RNPC3: variants seen among roughly 807,000 people sequenced by gnomAD.
RNPC3 encodes the protein RNA-binding region-containing protein 3.
RNPC3 carries 48 observed loss-of-function variants against 67.5 expected under a neutral mutation model. That is an observed-to-expected ratio of 0.71 (90% CI 0.56 to 0.90). The LOEUF (loss-of-function observed/expected upper bound fraction) is 0.90, where lower values mean the gene tolerates loss of function less well. Among genes scored for constraint, RNPC3 ranks in the 40% least tolerant of loss-of-function variants. The probability of loss-of-function intolerance (pLI) is 0.00; values close to 1 mark genes in which losing one functional copy is unlikely to be tolerated. For synonymous variants in RNPC3, 239 were observed against 210.3 expected (o/e 1.14, Z -1.18); for missense variants, 637 against 626.1 (o/e 1.02, Z -0.19).
At chr1:103,529,119 A>T (rs977528734) in intron 2 of RNPC3, among the ~76,000 whole-genome samples, 6 of 152,198 alleles carry the variant, frequency 3.9e-5, no homozygotes, top group African/African-American at 1.4e-4. Context: ...TTTTGAAACT[A>T]ATAGTATACA....
At chr1:103,545,467 T>TA (rs991926206) in intron 10 of RNPC3, 20 of 155,760 alleles carry the variant, frequency 1.3e-4, no homozygotes, top group African/African-American at 1.9e-4. Context: ...CAAAGCGATT[T>TA]AAAAAAAAAT....
intron 7 of RNPC3, among the ~76,000 whole-genome samples, chr1:103,540,776 C>A (rs1367572551): frequency 6.6e-6 from 1 of 152,032 alleles, no homozygotes; most frequent in Admixed American, 6.6e-5. Context: ...ATTAAATATT[C>A]ATATTCTTAA....
intron 13 of RNPC3, 61 bp from the exon 14 acceptor site, chr1:103,551,660 G>T: frequency 9.0e-7 from 1 of 1,112,012 alleles, no homozygotes; most frequent in Non-Finnish European, 1.3e-6. Context: ...AAGTTTTTGA[G>T]AATTATTTAG....
chr1:103,538,345 G>C (rs1028324176), intron 7 of RNPC3, among the ~76,000 whole-genome samples: 1 of 151,788 alleles, frequency 6.6e-6, no homozygotes, highest in South Asian at 2.1e-4. Context: ...GAGTTTTTTT[G>C]TTGTGACTCT....
In RNPC3 at chr1:103,528,429, ATAAC is replaced by A. The variant is rs1650767185; in HGVS notation, c.240+690_240+693del. On this transcript the variant is annotated intron_variant, in intron 2 of 14. Coordinates refer to ENST00000423855, the MANE Select transcript of RNPC3 (RefSeq NM_017619.4). ...GGCTGTTATAATGGCCAAGGCAAGA[ATAAC>A]TATCTGAAGAAGACAGTAAGAAGAC... Among the ~76,000 whole-genome samples the A allele has an allele frequency of 2.0e-5, 3 of 152,212 alleles. 1 individual carries two copies. The South Asian group carries it at 6.2e-4, about 31-fold the overall frequency.
chr1:103,527,810 G>T (rs1650755524), intron 2 of RNPC3, 68 bp downstream of exon 2: 2 of 1,139,336 alleles, frequency 1.8e-6, no homozygotes, highest in Admixed American at 5.1e-5. Flanking sequence ...TTCAGATAAT[G>T]TTTAACTGTG....
chr1:103,541,749 C>A (rs1651129747), intron 8 of RNPC3, among the ~76,000 whole-genome samples: 1 of 151,998 alleles, frequency 6.6e-6, no homozygotes, highest in South Asian at 2.1e-4. Context: ...AAACAAAATT[C>A]ATTTACTTTC....
chr1:103,543,863 A>G (rs1412269188), intron 9 of RNPC3, among the ~76,000 whole-genome samples: 1 of 151,772 alleles, frequency 6.6e-6, no homozygotes, highest in Non-Finnish European at 1.5e-5. Flanking sequence ...ATACATATAT[A>G]TATTTTTTAA....
intron 2 of RNPC3, among the ~76,000 whole-genome samples, chr1:103,528,569 G>A (rs1650770649): frequency 1.3e-5 from 2 of 152,120 alleles, no homozygotes; most frequent in Admixed American, 1.3e-4. Flanking sequence ...AGTTATTTGG[G>A]TTGTTATATT....
chr1:103,527,723 A>G lies in RNPC3; in HGVS notation c.221A>G (p.Asn74Ser), dbSNP rs776652773. 2 of 1,548,488 alleles carry G rather than the reference A, an allele frequency of 1.3e-6. No homozygotes were observed. Among genetic ancestry groups the G allele is most frequent in the African/African-American group, 2.7e-5 (2 of 72,980 alleles). The stretch of plus-strand genomic sequence containing the variant: ...CATACAGCTTTTGCCACATTCCCTA[A>G]TGAAAAAGCAGCTATAAAGGTATGA... The part of the protein sequence containing the change: ...LKHTAFATFP[N>S]EKAAIKALTR... Residue 74 changes from asparagine to serine, a missense_variant, in exon 2 of 15, where the codon AAT (asparagine) becomes AGT (serine). Physicochemically the swap from Asn to Ser is conservative, Grantham distance 46 (BLOSUM62 1). This residue lies in a region of RNPC3 where 536 missense variants were observed against 500.3 expected (regional missense o/e 1.07). Coordinates refer to ENST00000423855, the MANE Select transcript of RNPC3 (RefSeq NM_017619.4).
At position 103,525,862 on chromosome 1, in the gene RNPC3, G is replaced by A. The variant is rs2101039330; in HGVS notation, c.-209G>A. 1.8e-6 allele frequency: 1 copy of A among 540,974 alleles called. No homozygotes were observed. Among genetic ancestry groups the A allele is most frequent in the South Asian group, 2.4e-5 (1 of 42,194 alleles). 33.5% of individuals were successfully genotyped at this position (540,974 alleles called of 1,614,324 possible). On this transcript the variant is annotated 5_prime_UTR_variant, in exon 1 of 15. Transcript: ENST00000423855. The stretch of plus-strand genomic sequence containing the variant: ...GAGACCCCTGGAATTTAAATCATTA[G>A]CACCGCGCCCTTCCCCGAAGAGTCT...
At position 103,525,934 on chromosome 1, in the gene RNPC3, A is replaced by G. The variant is rs1570612242; in HGVS notation, c.-137A>G. 2.8e-6 allele frequency: 2 copies of G among 703,086 alleles called. No homozygotes were observed. Among genetic ancestry groups the G allele is most frequent in the Non-Finnish European group, 4.6e-6 (2 of 435,976 alleles). 43.6% of individuals were successfully genotyped at this position (703,086 alleles called of 1,614,324 possible). On this transcript the variant is annotated 5_prime_UTR_variant, in exon 1 of 15. Coordinates refer to ENST00000423855, the MANE Select transcript of RNPC3 (RefSeq NM_017619.4). ...GTGGCGCAGTTCTCGCGAGAAGGTG[A>G]CTTTCTTTCTCGGTATTTCCTGGTT...
rs561118529 is a variant in RNPC3, at chr1:103,547,160, T to C, written c.1361+125T>C. 2.9e-5 allele frequency: 16 copies of C among 548,210 alleles called. No homozygotes were observed. In the East Asian group the frequency reaches 5.1e-4, roughly 18 times the overall value. 34.0% of individuals were successfully genotyped at this position (548,210 alleles called of 1,614,324 possible). On this transcript the variant is annotated intron_variant, in intron 12 of 14. Transcript: ENST00000423855. ...ATTATATGAAAAAGTTCGTCTATTC[T>C]GTTGCACAATTAATCTTTTAGATGT... is the stretch of plus-strand genomic sequence containing the variant.
chr1:103,550,104 C>A (rs1216414373), intron 12 of RNPC3, among the ~76,000 whole-genome samples: 1 of 151,936 alleles, frequency 6.6e-6, no homozygotes, highest in Non-Finnish European at 1.5e-5. Context: ...GTGGAGGTTG[C>A]ACTGAGCCAA....
chr1:103,536,603 C>T (rs1433244146), intron 6 of RNPC3, among the ~76,000 whole-genome samples: 2 of 152,134 alleles, frequency 1.3e-5, no homozygotes, highest in African/African-American at 4.8e-5. Context: ...TAGAAGTAGG[C>T]TATACCTGCT....
rs1255868709 is a variant in RNPC3, at chr1:103,527,253, A to T, written c.193-442A>T. On this transcript the variant is annotated intron_variant, in intron 1 of 14. Coordinates refer to ENST00000423855, the MANE Select transcript of RNPC3 (RefSeq NM_017619.4). Reference sequence around the variant, plus strand: ...TAGACTTCTCCCATTGAACATTATTACAAAGATAAAGCACAAAGGAAATAT... The same window carrying T: ...TAGACTTCTCCCATTGAACATTATTTCAAAGATAAAGCACAAAGGAAATAT... 3.3e-5 allele frequency among the ~76,000 whole-genome samples: 5 copies of T among 152,346 alleles called. No homozygotes were observed. The South Asian group carries it at 1.0e-3, about 32-fold the overall frequency.
At chr1:103,534,959 ATATCT>A in intron 4 of RNPC3, 102 bp downstream of exon 4, 2 of 618,998 alleles carry the variant, frequency 3.2e-6, no homozygotes, top group Admixed American at 3.5e-5. Context: ...TAATATACAG[ATATCT>A]TATTGCTTAT....
intron 2 of RNPC3, among the ~76,000 whole-genome samples, chr1:103,530,426 T>C (rs1650821073): frequency 6.6e-6 from 1 of 152,052 alleles, no homozygotes; most frequent in East Asian, 1.9e-4. Context: ...TACCTTTGAA[T>C]TAGAGGAACA....
intron 7 of RNPC3, among the ~76,000 whole-genome samples, chr1:103,537,821 G>A (rs563138139): frequency 2.0e-5 from 3 of 151,686 alleles, no homozygotes; most frequent in Non-Finnish European, 2.9e-5. Flanking sequence ...ATCAATAATC[G>A]ACGTGCTTTT....
Sources: allele counts gnomAD v4.1 joint callset (sites outside exome capture counted in the v4.1 genomes callset), GRCh38; gene constraint gnomAD v4.1.1; regional missense constraint gnomAD v4.1.1; transcripts MANE v1.5; gene names NCBI Gene and HGNC (gene_info 2026-07-23, HGNC 2026-07-21).